The following NRG3 variants were observed in gnomAD, a reference collection of about 807,000 sequenced individuals.
NRG3 encodes the protein neuregulin 3, also known as pro-neuregulin-3, membrane-bound isoform.
NRG3 carries 31 observed loss-of-function variants against 66.9 expected under a neutral mutation model. That is an observed-to-expected ratio of 0.46 (90% CI 0.35 to 0.63). The LOEUF (loss-of-function observed/expected upper bound fraction) is 0.63, where lower values mean the gene tolerates loss of function less well. Among genes scored for constraint, NRG3 ranks in the 20% least tolerant of loss-of-function variants. The probability of loss-of-function intolerance (pLI) is 0.00; values close to 1 mark genes in which losing one functional copy is unlikely to be tolerated. For synonymous variants in NRG3, 393 were observed against 359.4 expected, an observed-to-expected ratio of 1.09 and a Z score of -1.06; for missense variants, 910 against 878.9, an observed-to-expected ratio of 1.04 and a Z score of -0.45.
At position 82,069,384 on chromosome 10, in the gene NRG3, G is replaced by A. The variant is rs114350655; in HGVS notation, c.823+193221G>A. On this transcript the variant is annotated intron_variant, in intron 1 of 8. Coordinates refer to ENST00000372141, the MANE Select transcript of NRG3 (RefSeq NM_001010848.4). ...AGGTGGCGCCTGGTTTCTAGACCAG[G>A]AAGTTTTCTTACTCATCTCTTCTTA... Among the ~76,000 whole-genome samples the A allele has an allele frequency of 3.4e-3, 515 of 152,308 alleles. 3 individuals carry two copies. The highest frequency in any genetic ancestry group is 0.011 in the African/African-American group (466 of 41,584).
At chr10:82,626,293 C>T (rs1590927930) in intron 2 of NRG3, among the ~76,000 whole-genome samples, 2 of 152,212 alleles carry the variant, frequency 1.3e-5, no homozygotes, top group Non-Finnish European at 2.9e-5. Context: ...ACAATGATGG[C>T]ATAGAAGAGA....
chr10:82,066,672 C>T (rs920102289), intron 1 of NRG3, among the ~76,000 whole-genome samples: 2 of 152,164 alleles, frequency 1.3e-5, no homozygotes, highest in African/African-American at 4.8e-5. Flanking sequence ...ATTCACTTCA[C>T]GAAGACCTGA....
In NRG3 at chr10:82,022,134, G is replaced by A. The variant is rs61862941; in HGVS notation, c.823+145971G>A. ...GTGGTGTAATGCACTACTTTCCAAT[G>A]ATAAGGAATTTAGATAAGCAAAATG... On this transcript the variant is annotated intron_variant, in intron 1 of 8. Transcript: ENST00000372141. Among the ~76,000 whole-genome samples the A allele has an allele frequency of 8.1e-4, 123 of 152,118 alleles. 1 individual carries two copies. The highest frequency in any genetic ancestry group is 1.5e-3 in the Non-Finnish European group (101 of 67,992).
chr10:81,970,737 A>C (rs1387908293), intron 1 of NRG3, among the ~76,000 whole-genome samples: 1 of 152,152 alleles, frequency 6.6e-6, no homozygotes, highest in African/African-American at 2.4e-5. Context: ...CCAAAACTGC[A>C]TATCTCATCT....
chr10:82,469,642 C>A (rs1444905728), intron 2 of NRG3, among the ~76,000 whole-genome samples: 1 of 152,146 alleles, frequency 6.6e-6, no homozygotes, highest in South Asian at 2.1e-4. Flanking sequence ...AGGTGGAGAG[C>A]CAGCCTCTGA....
intron 2 of NRG3, among the ~76,000 whole-genome samples, chr10:82,601,006 C>G (rs2047593430): frequency 6.6e-6 from 1 of 152,118 alleles, no homozygotes; most frequent in South Asian, 2.1e-4. Flanking sequence ...CATGTGTACC[C>G]AAAGTTTAGC....
intron 1 of NRG3, among the ~76,000 whole-genome samples, chr10:81,987,585 G>A (rs368088690): frequency 1.3e-5 from 2 of 152,130 alleles, no homozygotes; most frequent in African/African-American, 4.8e-5. Flanking sequence ...CTTTTGGAGG[G>A]TATGTAATGT....
chr10:82,980,800 T>A lies in NRG3; in HGVS notation c.1583+1680T>A, dbSNP rs140144413. ...TAACAGCCAAGGGGTTCAAAATGTA[T>A]AATGCGAGTCAAGAAGCAGTTTGCA... On this transcript the variant is annotated intron_variant, in intron 8 of 8. Transcript: ENST00000372141. Among the ~76,000 whole-genome samples the A allele has an allele frequency of 9.8e-5, 15 of 152,326 alleles. No individual in the cohort carries two copies. In the East Asian group the frequency reaches 2.7e-3, roughly 27 times the overall value.
chr10:82,195,563 G>T (rs891875890), intron 1 of NRG3, among the ~76,000 whole-genome samples: 1 of 152,006 alleles, frequency 6.6e-6, no homozygotes, highest in Non-Finnish European at 1.5e-5. Flanking sequence ...CTATGGAAAA[G>T]GTTTCAGTTA....
At chr10:82,472,621 A>C (rs1841373144) in intron 2 of NRG3, among the ~76,000 whole-genome samples, 2 of 152,358 alleles carry the variant, frequency 1.3e-5, no homozygotes, top group Middle Eastern at 3.4e-3. Context: ...GGAGGACAAC[A>C]GACACCTCAG....
chr10:82,938,878 T>TA (rs1483453494), intron 4 of NRG3, among the ~76,000 whole-genome samples: 1 of 152,210 alleles, frequency 6.6e-6, no homozygotes, highest in Admixed American at 6.5e-5. Context: ...CAGTGAATCC[T>TA]AAGTGATAAA....
intron 2 of NRG3, among the ~76,000 whole-genome samples, chr10:82,613,461 C>T (rs1330000959): frequency 6.7e-6 from 1 of 150,240 alleles, no homozygotes; most frequent in African/African-American, 2.4e-5. Context: ...TTTTTCCATC[C>T]AGAGTAATTT....
intron 2 of NRG3, among the ~76,000 whole-genome samples, chr10:82,413,839 A>C (rs2088314447): frequency 6.6e-6 from 1 of 152,098 alleles, no homozygotes; most frequent in Non-Finnish European, 1.5e-5. Flanking sequence ...CTGGTTCCCA[A>C]CTTTTCTTCT....
At chr10:82,757,267 C>T (rs1041045177) in intron 3 of NRG3, among the ~76,000 whole-genome samples, 1 of 152,116 alleles carries the variant, frequency 6.6e-6, no homozygotes, top group Middle Eastern at 3.4e-3. Flanking sequence ...TTATGAAGCC[C>T]CAACCACTGT....
intron 2 of NRG3, among the ~76,000 whole-genome samples, chr10:82,675,053 G>A (rs1326786485): frequency 6.6e-6 from 1 of 151,896 alleles, no homozygotes; most frequent in Admixed American, 6.6e-5. Flanking sequence ...CCGCCTCCTG[G>A]GTTCAAGCGA....
At chr10:82,055,418 A>G (rs758664854) in intron 1 of NRG3, among the ~76,000 whole-genome samples, 6 of 140,020 alleles carry the variant, frequency 4.3e-5, no homozygotes, top group Admixed American at 7.2e-5. Flanking sequence ...CAGAGTTTGC[A>G]GTGAACCAAG....
chr10:82,580,304 G>T (rs2133205505), intron 2 of NRG3, among the ~76,000 whole-genome samples: 1 of 151,950 alleles, frequency 6.6e-6, no homozygotes, highest in South Asian at 2.1e-4. Context: ...TTACAGAAAA[G>T]TTGAGCCCAA....
At chr10:82,562,577 C>A (rs2133030416) in intron 2 of NRG3, among the ~76,000 whole-genome samples, 1 of 152,262 alleles carries the variant, frequency 6.6e-6, no homozygotes, top group East Asian at 1.9e-4. Flanking sequence ...TGCAGATAGT[C>A]ACTACTTTTA....
chr10:82,396,035 G>A (rs2086692161), intron 2 of NRG3, among the ~76,000 whole-genome samples: 1 of 152,046 alleles, frequency 6.6e-6, no homozygotes, highest in African/African-American at 2.4e-5. Flanking sequence ...ACAGGGCTTG[G>A]CTTTTTCTCA....
Sources: gnomAD v4.1 joint callset for allele counts (sites outside exome capture counted in the v4.1 genomes callset) on GRCh38, gnomAD v4.1.1 for gene constraint, MANE v1.5 for transcripts, NCBI Gene and HGNC (gene_info 2026-07-23, HGNC 2026-07-21) for gene names.